Variants in PTPN3 observed in about 807,000 individuals in gnomAD.
The protein encoded by PTPN3 is tyrosine-protein phosphatase non-receptor type 3.
In PTPN3, 96 loss-of-function variants were observed where a neutral mutation model predicts 132.7. That is an observed-to-expected ratio of 0.72 (90% CI 0.61 to 0.86). PTPN3 has a LOEUF of 0.86. PTPN3 is among the 40% of genes least tolerant of loss of function. The probability of loss-of-function intolerance (pLI) is 0.00; values close to 1 mark genes in which losing one functional copy is unlikely to be tolerated. For missense variants in PTPN3, 1,125 were observed against 1,159.6 expected, an observed-to-expected ratio of 0.97 and a Z score of 0.43; for synonymous variants, 398 against 429.0, an observed-to-expected ratio of 0.93 and a Z score of 0.89.
chr9:109,408,796 A>AAT (rs1219154297), intron 16 of PTPN3, among the ~76,000 whole-genome samples: 1,155 of 108,306 alleles, frequency 0.011, 21 homozygotes, highest in East Asian at 0.029. Flanking sequence ...AAAAAAAAAA[A>AAT]ATATATATAT....
chr9:109,378,956 A>G lies in PTPN3; in HGVS notation c.*600T>C, dbSNP rs1345725907. 2 of 152,468 alleles carry G rather than the reference A, an allele frequency of 1.3e-5. No individual in the cohort carries two copies. The highest frequency in any genetic ancestry group is 4.8e-5 in the African/African-American group (2 of 41,474). 9.4% of individuals were successfully genotyped at this position (152,468 alleles called of 1,614,324 possible). A position where few individuals can be genotyped will look rare whatever the true frequency, so the allele number is the denominator to read the frequency against. On this transcript the variant is annotated 3_prime_UTR_variant, in exon 26 of 26. Coordinates refer to ENST00000374541, the MANE Select transcript of PTPN3 (RefSeq NM_002829.4). ...CTGAAGAGGGACACAATTCTCAGAA[A>G]CATGAATATTGGAAGTCGCTGGGAG...
At chr9:109,401,476 CT>C (rs1460748939) in intron 19 of PTPN3, among the ~76,000 whole-genome samples, 7 of 152,218 alleles carry the variant, frequency 4.6e-5, no homozygotes, top group Non-Finnish European at 1.0e-4. Context: ...TCTCTAATGT[CT>C]TTGAAAACTT....
intron 6 of PTPN3, among the ~76,000 whole-genome samples, chr9:109,447,297 C>A (rs1476930778): frequency 6.6e-6 from 1 of 152,092 alleles, no homozygotes; most frequent in Non-Finnish European, 1.5e-5. Context: ...AAGGTGACTG[C>A]AAACTATCTG....
Position 109,381,800 on chromosome 9 carries a change from G to A in PTPN3, c.2529-13C>T, listed in dbSNP as rs763944605. ...ACCTATTCCAGCACTGGAGAGGGGA[G>A]AGAAGACAGACTTGGGATTTGTCTG... On this transcript the variant is annotated splice_polypyrimidine_tract_variant and intron_variant, in intron 24 of 25. Coordinates refer to ENST00000374541, the MANE Select transcript of PTPN3 (RefSeq NM_002829.4). The A allele has an allele frequency of 2.5e-5, 40 of 1,614,214 alleles. No individual in the cohort carries two copies. The highest frequency in any genetic ancestry group is 3.3e-4 in the Middle Eastern group (2 of 6,060).
chr9:109,435,129 T>C (rs1843942001), intron 9 of PTPN3, among the ~76,000 whole-genome samples: 1 of 152,054 alleles, frequency 6.6e-6, no homozygotes, highest in Admixed American at 6.5e-5. Context: ...CAAAATTGAG[T>C]GAACAAGGAA....
chr9:109,428,526 C>A, intron 11 of PTPN3, 95 bp downstream of exon 11: 2 of 1,300,428 alleles, frequency 1.5e-6, no homozygotes, highest in Admixed American at 4.3e-5. Flanking sequence ...CAGGAGGATC[C>A]CCTGAGCTCA....
At chr9:109,495,772 G>A (rs1404857033) in intron 1 of PTPN3, among the ~76,000 whole-genome samples, 1 of 152,208 alleles carries the variant, frequency 6.6e-6, no homozygotes, top group Admixed American at 6.5e-5. Context: ...AACTACCAGA[G>A]TATCTTCTGT....
At position 109,457,608 on chromosome 9, in the gene PTPN3, C is replaced by T. The variant is rs1046665549; in HGVS notation, c.139-209G>A. Among the ~76,000 whole-genome samples, 5 of 152,198 alleles carry T rather than the reference C, an allele frequency of 3.3e-5. No homozygotes were observed. The East Asian group carries it at 5.8e-4, about 18-fold the overall frequency. On this transcript the variant is annotated intron_variant, in intron 2 of 25. Transcript: ENST00000374541. ...AAAATGACATCAACACAAGACAATA[C>T]GAGTTTAATTTAATTGTCTAAGATT...
the PTPN3 span, among the ~76,000 whole-genome samples, chr9:109,528,187 T>C: frequency 6.6e-6 from 1 of 152,218 alleles, no homozygotes; most frequent in Non-Finnish European, 1.5e-5. Flanking sequence ...CAGTATTTAC[T>C]CAAGTTTAGC....
At chr9:109,453,875 C>T (rs1845416970) in intron 5 of PTPN3, among the ~76,000 whole-genome samples, 1 of 149,800 alleles carries the variant, frequency 6.7e-6, no homozygotes, top group Non-Finnish European at 1.5e-5. Context: ...ATTAGCCAGG[C>T]ATGGTGGTAC....
chr9:109,395,054 G>A (rs1020123614), intron 19 of PTPN3, among the ~76,000 whole-genome samples: 138 of 151,854 alleles, frequency 9.1e-4, no homozygotes, highest in African/African-American at 3.2e-3. Context: ...GCAGGAGAAT[G>A]GCGTGAACCA....
intron 7 of PTPN3, among the ~76,000 whole-genome samples, chr9:109,438,752 C>T (rs1844238492): frequency 6.6e-6 from 1 of 152,174 alleles, no homozygotes; most frequent in Non-Finnish European, 1.5e-5. Flanking sequence ...CCTGACCCAT[C>T]CCCTGGGATT....
intron 1 of PTPN3, among the ~76,000 whole-genome samples, chr9:109,468,921 T>C (rs778311327): frequency 2.0e-5 from 3 of 152,244 alleles, no homozygotes; most frequent in East Asian, 1.9e-4. Context: ...CTTACAGATA[T>C]ATGAATGTTC....
At chr9:109,482,159 G>A (rs777181980) in intron 1 of PTPN3, among the ~76,000 whole-genome samples, 4 of 152,202 alleles carry the variant, frequency 2.6e-5, no homozygotes, top group Admixed American at 6.5e-5. Context: ...CCATTCCAAT[G>A]GGGCTGGAAG....
chr9:109,473,513 G>C (rs1224560860), intron 1 of PTPN3, among the ~76,000 whole-genome samples: 4 of 152,204 alleles, frequency 2.6e-5, no homozygotes. Flanking sequence ...GTAGTTTTAA[G>C]CTCCCTGAAG....
At chr9:109,480,412 C>T (rs981405885) in intron 1 of PTPN3, among the ~76,000 whole-genome samples, 1 of 152,126 alleles carries the variant, frequency 6.6e-6, no homozygotes, top group Non-Finnish European at 1.5e-5. Context: ...GATCTGCCTG[C>T]CTCAGTCTCC....
At chr9:109,464,757 G>T (rs1222273338) in intron 1 of PTPN3, among the ~76,000 whole-genome samples, 1 of 152,156 alleles carries the variant, frequency 6.6e-6, no homozygotes, top group Non-Finnish European at 1.5e-5. Flanking sequence ...AGAAAGAAAT[G>T]AACTACCATT....
At chr9:109,382,933 A>G (rs981019584) in intron 23 of PTPN3, among the ~76,000 whole-genome samples, 4 of 152,146 alleles carry the variant, frequency 2.6e-5, no homozygotes, top group Admixed American at 6.5e-5. Flanking sequence ...CCATTATGCC[A>G]TATGGCAAAA....
At chr9:109,449,790 A>C in intron 5 of PTPN3, 1 of 985,468 alleles carries the variant, frequency 1.0e-6, no homozygotes, top group Non-Finnish European at 1.2e-6. Flanking sequence ...GGCAGGAGAG[A>C]AATAATTTTC....
Sources: gnomAD v4.1 joint callset for allele counts (sites outside exome capture counted in the v4.1 genomes callset) on GRCh38, gnomAD v4.1.1 for gene constraint, MANE v1.5 for transcripts, NCBI Gene and HGNC (gene_info 2026-07-23, HGNC 2026-07-21) for gene names.